Variants in ITGBL1 observed in about 807,000 individuals in gnomAD.
The protein encoded by ITGBL1 is integrin beta-like protein 1.
A neutral mutation model predicts 68.5 loss-of-function variants in ITGBL1; 51 were observed. The ratio of observed to expected loss-of-function variants is 0.74; its 90% CI spans 0.59 to 0.94. The LOEUF is 0.94. Ranked by LOEUF, ITGBL1 falls within the 40% of genes least tolerant of loss-of-function variation. The pLI, the probability that ITGBL1 is intolerant of heterozygous loss-of-function variation, is 0.00. For synonymous variants in ITGBL1, 209 were observed against 227.3 expected (o/e 0.92, Z 0.72); for missense variants, 649 against 647.4 (o/e 1.00, Z -0.03).
chr13:101,710,037 GAAAAC>G (rs541177893), intron 9 of ITGBL1, among the ~76,000 whole-genome samples: 30 of 152,318 alleles, frequency 2.0e-4, no homozygotes, highest in South Asian at 4.1e-4. Flanking sequence ...GGCATTTCCT[GAAAAC>G]AAAACAAAAC....
chr13:101,667,490 AAG>A (rs913639019), intron 7 of ITGBL1, among the ~76,000 whole-genome samples: 3 of 152,122 alleles, frequency 2.0e-5, no homozygotes, highest in African/African-American at 7.2e-5. Flanking sequence ...GAAAAAAAAA[AAG>A]GAAAAGAAAG....
chr13:101,688,803 A>C (rs1201891623), intron 7 of ITGBL1, among the ~76,000 whole-genome samples: 1 of 152,222 alleles, frequency 6.6e-6, no homozygotes, highest in East Asian at 1.9e-4. Flanking sequence ...ATACCATTTC[A>C]AATTCAAGTT....
At chr13:101,634,732 G>A (rs953306460) in intron 7 of ITGBL1, among the ~76,000 whole-genome samples, 1 of 152,162 alleles carries the variant, frequency 6.6e-6, no homozygotes, top group South Asian at 2.1e-4. Flanking sequence ...TTCAGTGGGG[G>A]ATATAAACAA....
chr13:101,589,985 T>G (rs1025130556), intron 6 of ITGBL1, among the ~76,000 whole-genome samples: 6 of 152,258 alleles, frequency 3.9e-5, no homozygotes, highest in Admixed American at 3.3e-4. Context: ...AGAATTATGT[T>G]AGGGGAAAAA....
intron 7 of ITGBL1, among the ~76,000 whole-genome samples, chr13:101,668,514 C>T (rs182025196): frequency 1.3e-5 from 2 of 152,282 alleles, no homozygotes; most frequent in Admixed American, 1.3e-4. Context: ...TTCTGAGTTA[C>T]TGGCAAAATA....
chr13:101,613,357 A>T (rs1194161837), intron 7 of ITGBL1, among the ~76,000 whole-genome samples: 6 of 152,326 alleles, frequency 3.9e-5, no homozygotes, highest in Non-Finnish European at 7.3e-5. Context: ...CTGTGTTCCC[A>T]GAACCACTCT....
chr13:101,525,537 T>TTA (rs35923593), intron 2 of ITGBL1, among the ~76,000 whole-genome samples: 62,031 of 148,670 alleles, frequency 0.42, 13,760 homozygotes, highest in East Asian at 0.61. Flanking sequence ...TTTTTTTTTT[T>TTA]ATGTGGAAAA....
intron 7 of ITGBL1, among the ~76,000 whole-genome samples, chr13:101,654,961 A>G (rs575633170): frequency 6.6e-6 from 1 of 152,308 alleles, no homozygotes; most frequent in African/African-American, 2.4e-5. Context: ...GTGTATGGGT[A>G]TAGATGACCT....
At chr13:101,476,769 T>C (rs1464802389) in intron 2 of ITGBL1, among the ~76,000 whole-genome samples, 5 of 152,130 alleles carry the variant, frequency 3.3e-5, no homozygotes, top group Non-Finnish European at 7.4e-5. Context: ...TATGTAATGA[T>C]AAAGGAGTCA....
intron 2 of ITGBL1, among the ~76,000 whole-genome samples, chr13:101,463,655 G>C (rs1472937924): frequency 6.6e-6 from 1 of 152,066 alleles, no homozygotes; most frequent in Non-Finnish European, 1.5e-5. Flanking sequence ...CCTCCACTGA[G>C]ATGCCTGTAC....
intron 7 of ITGBL1, among the ~76,000 whole-genome samples, chr13:101,638,448 CTATTTG>C (rs2032249289): frequency 6.8e-6 from 1 of 146,060 alleles, no homozygotes; most frequent in Middle Eastern, 3.2e-3. Flanking sequence ...AAAAAAAAAA[CTATTTG>C]TATTAGCCCG....
chr13:101,579,538 C>G, intron 5 of ITGBL1, 111 bp downstream of exon 5: 1 of 1,107,762 alleles, frequency 9.0e-7, no homozygotes. Context: ...TATCTTCTAA[C>G]CATTTACTTT....
rs991071780 is a variant in ITGBL1 at position 101,521,220 on chromosome 13, ACTT to A, written c.317-46474_317-46472del. On this transcript the variant is annotated intron_variant, in intron 2 of 10. Transcript: ENST00000376180. ...CATCCTTTTATTCACTCATTATTTC[ACTT>A]CTTCATTCATTTCCAAGCATTTTTC... Among the ~76,000 whole-genome samples, 31 of 152,144 alleles carry A rather than the reference ACTT, an allele frequency of 2.0e-4. 1 individual carries two copies. Among genetic ancestry groups the A allele is most frequent in the Admixed American group, 1.8e-3 (28 of 15,266 alleles).
At chr13:101,697,992 C>T (rs73558055) in intron 8 of ITGBL1, among the ~76,000 whole-genome samples, 2,449 of 152,092 alleles carry the variant, frequency 0.016, 74 homozygotes, top group African/African-American at 0.055. Flanking sequence ...GCAATTAGTC[C>T]CCCCCATCAT....
At chr13:101,632,258 CA>C (rs748533537) in intron 7 of ITGBL1, among the ~76,000 whole-genome samples, 12 of 152,036 alleles carry the variant, frequency 7.9e-5, no homozygotes, top group Non-Finnish European at 1.5e-4. Context: ...AGGACTTTAT[CA>C]GATGTTACAA....
intron 7 of ITGBL1, among the ~76,000 whole-genome samples, chr13:101,661,484 C>G (rs1342356347): frequency 6.6e-6 from 1 of 152,176 alleles, no homozygotes; most frequent in African/African-American, 2.4e-5. Flanking sequence ...GAGCTCCTTT[C>G]ATGTGAGCTT....
intron 7 of ITGBL1, among the ~76,000 whole-genome samples, chr13:101,600,641 G>T (rs889555294): frequency 1.3e-5 from 2 of 152,124 alleles, no homozygotes; most frequent in East Asian, 1.9e-4. Flanking sequence ...AGAGTTTTTA[G>T]CATGAAGGGT....
At chr13:101,543,582 T>A (rs1443284614) in intron 2 of ITGBL1, among the ~76,000 whole-genome samples, 1 of 152,180 alleles carries the variant, frequency 6.6e-6, no homozygotes, top group South Asian at 2.1e-4. Context: ...TTCTCTGTAT[T>A]TCCTGAGTTT....
chr13:101,609,534 TAGAAG>T (rs2031027060), intron 7 of ITGBL1, among the ~76,000 whole-genome samples: 1 of 152,160 alleles, frequency 6.6e-6, no homozygotes, highest in African/African-American at 2.4e-5. Flanking sequence ...CCTTGTTAAA[TAGAAG>T]AGACGATCTC....
Sources: allele counts gnomAD v4.1 joint callset (sites outside exome capture counted in the v4.1 genomes callset), GRCh38; gene constraint gnomAD v4.1.1; transcripts MANE v1.5; gene names NCBI Gene and HGNC (gene_info 2026-07-23, HGNC 2026-07-21).